REPS2: variants seen among roughly 807,000 people sequenced by gnomAD.
REPS2 encodes RALBP1 associated Eps domain containing 2, also known as ralBP1-associated Eps domain-containing protein 2.
In REPS2, 23 loss-of-function variants were observed where a neutral mutation model predicts 53.6. The ratio of observed to expected loss-of-function variants is 0.43; its 90% CI spans 0.31 to 0.61. The LOEUF (loss-of-function observed/expected upper bound fraction) is 0.61. REPS2 is among the 20% of genes least tolerant of loss of function. REPS2 has a pLI of 0.11. For synonymous variants in REPS2, 238 were observed against 218.6 expected, an observed-to-expected ratio of 1.09 and a Z score of -0.78; for missense variants, 446 against 534.9, an observed-to-expected ratio of 0.83 and a Z score of 1.64.
chrX:17,040,013 G>T (rs763636393), intron 5 of REPS2, among the ~76,000 whole-genome samples: 1 of 112,652 alleles, frequency 8.9e-6, no homozygotes, highest in African/African-American at 3.2e-5. Context: ...CTACAGTTTG[G>T]CAGTCAGCCT....
At chrX:16,952,106 G>T (rs1182570416) in intron 1 of REPS2, among the ~76,000 whole-genome samples, 1 of 111,374 alleles carries the variant, frequency 9.0e-6, no homozygotes, top group Non-Finnish European at 1.9e-5. Context: ...CTTTAGTTCT[G>T]GGATACACTT....
chrX:17,070,180 C>T (rs1163964130), intron 11 of REPS2, among the ~76,000 whole-genome samples, 187 bp downstream of exon 11: 4 of 111,638 alleles, frequency 3.6e-5, no homozygotes, highest in Admixed American at 9.5e-5. Context: ...GGTATGAGAA[C>T]GGGGTGATAT....
At chrX:17,162,703 A>G in the REPS2 span, among the ~76,000 whole-genome samples, 2 of 112,892 alleles carry the variant, frequency 1.8e-5, no homozygotes, top group Admixed American at 1.9e-4. Flanking sequence ...CCTAACATGC[A>G]CAGAGAACCC....
At chrX:17,043,880 G>T in intron 5 of REPS2, among the ~76,000 whole-genome samples, 1 of 112,608 alleles carries the variant, frequency 8.9e-6, no homozygotes, top group Middle Eastern at 4.6e-3. Flanking sequence ...CGTGGGTACG[G>T]CAGGTACATT....
intron 1 of REPS2, among the ~76,000 whole-genome samples, chrX:16,948,662 T>C (rs2060471002): frequency 8.9e-6 from 1 of 112,109 alleles, no homozygotes; most frequent in Non-Finnish European, 1.9e-5. Flanking sequence ...TCTGAATATG[T>C]TGGTTGATGC....
At chrX:17,118,025 T>A (rs1233104284) in intron 14 of REPS2, among the ~76,000 whole-genome samples, 151 of 88,904 alleles carry the variant, frequency 1.7e-3, no homozygotes, top group African/African-American at 5.7e-3. Flanking sequence ...AGTGGCGGGA[T>A]CTCGGCTCAC....
intron 14 of REPS2, among the ~76,000 whole-genome samples, chrX:17,118,053 G>A (rs1212963171): frequency 2.1e-5 from 2 of 95,523 alleles, no homozygotes; most frequent in East Asian, 3.4e-4. Flanking sequence ...TCCGCCTCCC[G>A]GGTTCACGCC....
intron 13 of REPS2, among the ~76,000 whole-genome samples, chrX:17,092,501 T>C (rs913832202): frequency 6.3e-5 from 7 of 110,942 alleles, no homozygotes; most frequent in African/African-American, 2.3e-4. Flanking sequence ...TTTTCAGGAT[T>C]GGGGTATTTA....
intron 2 of REPS2, among the ~76,000 whole-genome samples, chrX:17,006,818 A>G (rs939484298): frequency 2.7e-5 from 3 of 111,678 alleles, no homozygotes; most frequent in Non-Finnish European, 3.8e-5. Flanking sequence ...CTTGGGTGCT[A>G]CCAAAATTTT....
intron 13 of REPS2, among the ~76,000 whole-genome samples, chrX:17,095,732 T>C (rs904622574): frequency 9.0e-6 from 1 of 111,197 alleles, no homozygotes; most frequent in African/African-American, 3.3e-5. Context: ...CTGAAGGGTC[T>C]TGTCAAAGTA....
chrX:17,123,820 A>G (rs1197338744), intron 14 of REPS2, among the ~76,000 whole-genome samples: 2 of 112,278 alleles, frequency 1.8e-5, no homozygotes, highest in Non-Finnish European at 3.8e-5. Context: ...TATATTCTAA[A>G]TTGGAGCCAG....
intron 13 of REPS2, among the ~76,000 whole-genome samples, chrX:17,084,499 A>G (rs111660160): frequency 0.025 from 2,842 of 112,298 alleles, 94 homozygotes; most frequent in African/African-American, 0.089. Flanking sequence ...CAGAGCAGCC[A>G]AACCAATTTA....
chrX:17,050,198 T>TTTCTTTCCTTCTTTCTTTC (rs2061977971), intron 6 of REPS2, among the ~76,000 whole-genome samples: 1 of 22,966 alleles, frequency 4.4e-5, no homozygotes, highest in African/African-American at 2.0e-4. Context: ...TTCTTTCTTT[T>TTTCTTTCCTTCTTTCTTTC]TTTTTTTTTT....
chrX:17,174,126 C>T, the REPS2 span, among the ~76,000 whole-genome samples: 5 of 111,093 alleles, frequency 4.5e-5, no homozygotes, highest in Non-Finnish European at 9.4e-5. Context: ...GAAGATGAGG[C>T]CAGAAGGGTA....
chrX:17,183,710 A>G, the REPS2 span, among the ~76,000 whole-genome samples: 638 of 112,026 alleles, frequency 5.7e-3, 16 homozygotes, highest in Admixed American at 0.049. Flanking sequence ...GCCAGAGGGA[A>G]CTCTAAAAGA....
intron 8 of REPS2, among the ~76,000 whole-genome samples, chrX:17,061,474 A>G: frequency 8.9e-6 from 1 of 112,341 alleles, no homozygotes; most frequent in East Asian, 2.8e-4. Context: ...GGATATTGGC[A>G]TTTCAGTCCC....
At chrX:17,046,807 T>C (rs1241296492) in intron 5 of REPS2, among the ~76,000 whole-genome samples, 1 of 111,980 alleles carries the variant, frequency 8.9e-6, no homozygotes, top group Non-Finnish European at 1.9e-5. Context: ...AATTCACAAA[T>C]GCCAAATGAG....
At chrX:17,137,064 C>CT (rs1461907730) in intron 16 of REPS2, 1 of 112,242 alleles carries the variant, frequency 8.9e-6, no homozygotes, top group Non-Finnish European at 1.9e-5. Flanking sequence ...GTTATTTCTG[C>CT]TTTTTTGGCT....
At chrX:17,114,469 T>G (rs2148090067) in intron 14 of REPS2, among the ~76,000 whole-genome samples, 1 of 112,118 alleles carries the variant, frequency 8.9e-6, no homozygotes, top group Non-Finnish European at 1.9e-5. Flanking sequence ...AGAAGACTGC[T>G]AAGTAATTGG....
Sources: gnomAD v4.1 joint callset for allele counts (sites outside exome capture counted in the v4.1 genomes callset) on GRCh38, gnomAD v4.1.1 for gene constraint, MANE v1.5 for transcripts, NCBI Gene and HGNC (gene_info 2026-07-23, HGNC 2026-07-21) for gene names.